The following PRCC variants were observed in gnomAD, a reference collection of about 807,000 sequenced individuals.
The protein encoded by PRCC is proline rich mitotic checkpoint control factor, also known as proline-rich protein PRCC.
A neutral mutation model predicts 44.0 loss-of-function variants in PRCC; 10 were observed. That is an observed-to-expected ratio of 0.23 (90% CI 0.14 to 0.39). The LOEUF (loss-of-function observed/expected upper bound fraction) is 0.39. Among genes scored for constraint, PRCC ranks in the 10% least tolerant of loss-of-function variants. The pLI, the probability that PRCC is intolerant of heterozygous loss-of-function variation, is 1.00. For synonymous variants in PRCC, 278 were observed against 259.5 expected (o/e 1.07, Z -0.69); for missense variants, 573 against 624.7 (o/e 0.92, Z 0.88).
chr1:156,770,039 C>G (rs1443518292), intron 1 of PRCC, among the ~76,000 whole-genome samples: 1 of 152,014 alleles, frequency 6.6e-6, no homozygotes, highest in South Asian at 2.1e-4. Context: ...AGGAAAGATC[C>G]CTGAATGAGA....
Position 156,794,780 on chromosome 1 carries a change from A to T in PRCC, c.1295A>T (p.Glu432Val), listed in dbSNP as rs764938828. 1.2e-6 allele frequency: 2 copies of T among 1,614,112 alleles called. No homozygotes were observed. The highest frequency in any genetic ancestry group is 1.7e-6 in the Non-Finnish European group (2 of 1,180,040). ...CAATGGATGACTAAGTCATTGACAGAAGAGAAAACCATGAAGTCATTCAGC... is the reference window on the plus strand; with the variant it reads ...CAATGGATGACTAAGTCATTGACAGTAGAGAAAACCATGAAGTCATTCAGC... Reference protein sequence around the residue: ...AQQWMTKSLTEEKTMKSFSKK... With the variant: ...AQQWMTKSLTVEKTMKSFSKK... The change falls in exon 5 of 7, where the codon GAA becomes GTA. Residue 432 changes from glutamate to valine, a missense_variant. Around this residue, in one of 4 missense-constraint regions of PRCC, gnomAD observed 69 missense variants for 139.3 expected, o/e 0.50. Coordinates refer to ENST00000271526, the MANE Select transcript of PRCC (RefSeq NM_005973.5).
intron 4 of PRCC, 21 bp downstream of exon 4, chr1:156,791,813 T>A (rs1310700915): frequency 6.3e-7 from 1 of 1,581,440 alleles, no homozygotes; most frequent in South Asian, 1.1e-5. Context: ...AAAGCACAAG[T>A]GACCATCTTT....
At chr1:156,787,302 A>G (rs1652288873) in intron 3 of PRCC, 128 bp downstream of exon 3, 1 of 1,046,446 alleles carries the variant, frequency 9.6e-7, no homozygotes, top group Non-Finnish European at 1.4e-6. Flanking sequence ...TTATTAGGCC[A>G]CAGAACATAC....
intron 1 of PRCC, among the ~76,000 whole-genome samples, chr1:156,779,550 G>A (rs939138186): frequency 2.0e-5 from 3 of 151,410 alleles, no homozygotes; most frequent in South Asian, 2.1e-4. Context: ...TGTATTTTTC[G>A]TAGAGACGAG....
chr1:156,794,793 G>A lies in PRCC; in HGVS notation c.1308G>A (p.Met436Ile), dbSNP rs762306224. Residue 436 changes from methionine to isoleucine, a missense_variant, in exon 5 of 7, where the codon ATG becomes ATA. Transcript: ENST00000271526. ...MTKSLTEEKT[M>I]KSFSKKKGEQ... ...AGTCATTGACAGAAGAGAAAACCAT[G>A]AAGTCATTCAGCAAAGTAAGTGGGA... 1 of 1,614,180 alleles carries A rather than the reference G, an allele frequency of 6.2e-7. No homozygotes were observed. The highest frequency in any genetic ancestry group is 1.3e-5 in the African/African-American group (1 of 75,046).
At position 156,767,721 on chromosome 1, in the gene PRCC, C is replaced by A; in HGVS notation, c.-51C>A. On this transcript the variant is annotated 5_prime_UTR_variant, in exon 1 of 7. Coordinates refer to ENST00000271526, the MANE Select transcript of PRCC (RefSeq NM_005973.5). ...TACTAGGCCTCCGGGCATCCCCGGT[C>A]TCAAGTAGGCCTCATCTGCCGGCAA... 6.6e-7 allele frequency: 1 copy of A among 1,516,346 alleles called. No homozygotes were observed. Among genetic ancestry groups the A allele is most frequent in the South Asian group, 1.3e-5 (1 of 79,724 alleles). The allele number at this position is 1,516,346 out of a possible 1,614,324, so 93.9% of individuals were successfully genotyped here. A position where few individuals can be genotyped will look rare whatever the true frequency, so the allele number is the denominator to read the frequency against.
Position 156,767,841 on chromosome 1 carries a change from G to C in PRCC, c.70G>C (p.Glu24Gln). 1 of 1,610,550 alleles carries C rather than the reference G, an allele frequency of 6.2e-7. No homozygotes were observed. The change falls in exon 1 of 7, where the codon GAG becomes CAG. Residue 24 changes from glutamate to glutamine, a missense_variant. By Grantham distance (29) the Glu-to-Gln change is conservative. This residue lies in a region of PRCC where 245 missense variants were observed against 188.5 expected (regional missense o/e 1.30). Coordinates refer to ENST00000271526, the MANE Select transcript of PRCC (RefSeq NM_005973.5). ...PDEAEPEPEE[E>Q]EAVAPTSGPA... is the part of the protein sequence containing the mutation. ...TGAGGCTGAGCCCGAGCCGGAGGAAGAGGAGGCGGTGGCTCCTACATCTGG... is the reference window on the plus strand; with the variant it reads ...TGAGGCTGAGCCCGAGCCGGAGGAACAGGAGGCGGTGGCTCCTACATCTGG...
chr1:156,795,312 G>T (rs12117740), intron 5 of PRCC, among the ~76,000 whole-genome samples: 2 of 28,492 alleles, frequency 7.0e-5, no homozygotes, highest in African/African-American at 1.6e-4. Flanking sequence ...TTTTTTTTCA[G>T]AGTCTCACTC....
At chr1:156,787,419 T>G (rs542039871) in intron 3 of PRCC, among the ~76,000 whole-genome samples, 1 of 149,378 alleles carries the variant, frequency 6.7e-6, no homozygotes, top group African/African-American at 2.5e-5. Context: ...TATTTTTTAT[T>G]GATCCATAAT....
intron 1 of PRCC, among the ~76,000 whole-genome samples, chr1:156,775,463 AC>A (rs1249097986): frequency 6.7e-6 from 1 of 148,620 alleles, no homozygotes; most frequent in Non-Finnish European, 1.5e-5. Context: ...CAATCCTCCT[AC>A]CTCAGCCTTC....
At chr1:156,769,384 C>T (rs892788826) in intron 1 of PRCC, among the ~76,000 whole-genome samples, 4 of 152,064 alleles carry the variant, frequency 2.6e-5, no homozygotes, top group African/African-American at 9.7e-5. Context: ...CATCATCTGT[C>T]CTCCCACTAG....
chr1:156,789,289 T>G (rs762549067), intron 3 of PRCC, among the ~76,000 whole-genome samples: 8 of 152,214 alleles, frequency 5.3e-5, no homozygotes, highest in Non-Finnish European at 8.8e-5. Context: ...TTTTATTGCC[T>G]GTGCTTTTGA....
intron 1 of PRCC, among the ~76,000 whole-genome samples, chr1:156,768,935 A>T (rs913041982): frequency 7.2e-5 from 11 of 152,164 alleles, no homozygotes; most frequent in African/African-American, 2.7e-4. Flanking sequence ...TCTGTGCCTC[A>T]TATTCATCAT....
At chr1:156,778,732 G>A (rs1379091362) in intron 1 of PRCC, among the ~76,000 whole-genome samples, 2 of 151,614 alleles carry the variant, frequency 1.3e-5, no homozygotes, top group Non-Finnish European at 2.9e-5. Flanking sequence ...ACAGGCGTGC[G>A]CCACCACACT....
At chr1:156,798,029 C>T (rs942501297) in intron 6 of PRCC, among the ~76,000 whole-genome samples, 1 of 150,292 alleles carries the variant, frequency 6.7e-6, no homozygotes, top group Admixed American at 6.6e-5. Flanking sequence ...CTGCAGCTGC[C>T]GTCTCCTGGG....
At chr1:156,779,520 C>T (rs1362781407) in intron 1 of PRCC, among the ~76,000 whole-genome samples, 9 of 68,914 alleles carry the variant, frequency 1.3e-4, no homozygotes, top group Admixed American at 3.9e-4. Context: ...CAAAGGTGCC[C>T]GCCATCATGC....
At chr1:156,769,595 T>A (rs58334611) in intron 1 of PRCC, among the ~76,000 whole-genome samples, 8 of 151,834 alleles carry the variant, frequency 5.3e-5, no homozygotes, top group African/African-American at 1.7e-4. Context: ...TTTTTTTAAA[T>A]TTTTTTTATT....
Position 156,781,632 on chromosome 1 carries a change from G to A in PRCC, c.469-650G>A, listed in dbSNP as rs944233600. Among the ~76,000 whole-genome samples, 3 of 152,342 alleles carry A rather than the reference G, an allele frequency of 2.0e-5. No homozygotes were observed. The East Asian group carries it at 5.8e-4, about 29-fold the overall frequency. On this transcript the variant is annotated intron_variant, in intron 1 of 6. Transcript: ENST00000271526. ...TAGAAGCAATCCTGATGAGTCAGAAGGATAACACAGATGACCTCCTGTCTT... is the reference window on the plus strand; with the variant it reads ...TAGAAGCAATCCTGATGAGTCAGAAAGATAACACAGATGACCTCCTGTCTT...
chr1:156,778,581 CTTTTT>C (rs746389120), intron 1 of PRCC, among the ~76,000 whole-genome samples: 12 of 130,068 alleles, frequency 9.2e-5, no homozygotes, highest in Admixed American at 1.6e-4. Context: ...TATAGTAATT[CTTTTT>C]TTTTTTTTTT....
Sources: allele counts gnomAD v4.1 joint callset (sites outside exome capture counted in the v4.1 genomes callset), GRCh38; gene constraint gnomAD v4.1.1; regional missense constraint gnomAD v4.1.1; transcripts MANE v1.5; gene names NCBI Gene and HGNC (gene_info 2026-07-23, HGNC 2026-07-21).